The following MYT1L variants were observed in gnomAD, a reference collection of about 807,000 sequenced individuals.
MYT1L encodes myelin transcription factor 1 like.
Under a neutral mutation model 126.7 loss-of-function variants are expected in MYT1L, and 12 were observed. That is an observed-to-expected ratio of 0.09 (90% CI 0.06 to 0.15). MYT1L has a LOEUF of 0.15. MYT1L is among the 10% of genes least tolerant of loss of function. The pLI is 1.00. For synonymous variants in MYT1L, 541 were observed against 604.2 expected (o/e 0.90, Z 1.53); for missense variants, 979 against 1,585.2 (o/e 0.62, Z 6.49).
At chr2:2,317,955 G>C (rs2096095123) in intron 1 of MYT1L, among the ~76,000 whole-genome samples, 1 of 152,184 alleles carries the variant, frequency 6.6e-6, no homozygotes, top group Non-Finnish European at 1.5e-5. Flanking sequence ...ATGCTCCCCA[G>C]TCAAAGGAGG....
chr2:1,818,987 C>A (rs2038117035), intron 21 of MYT1L, among the ~76,000 whole-genome samples: 1 of 152,142 alleles, frequency 6.6e-6, no homozygotes. Context: ...TGTGACCACC[C>A]AGATGGCCCC....
chr2:2,080,748 G>A (rs1242016364), intron 3 of MYT1L, among the ~76,000 whole-genome samples: 1 of 152,208 alleles, frequency 6.6e-6, no homozygotes, highest in Admixed American at 6.5e-5. Flanking sequence ...ATACATTGCA[G>A]GTGGGAATAT....
At chr2:2,171,524 T>C (rs1313391500) in intron 3 of MYT1L, among the ~76,000 whole-genome samples, 1 of 152,240 alleles carries the variant, frequency 6.6e-6, no homozygotes, top group Non-Finnish European at 1.5e-5. Context: ...CTTGGATGTA[T>C]GAAACACCTA....
At position 2,247,671 on chromosome 2, in the gene MYT1L, C is replaced by T. The variant is rs143790440; in HGVS notation, c.-421+36733G>A. Among the ~76,000 whole-genome samples, 1,199 of 152,244 alleles carry T rather than the reference C, an allele frequency of 7.9e-3. 19 individuals are homozygous for T. Among genetic ancestry groups the T allele is most frequent in the African/African-American group, 0.028 (1,150 of 41,516 alleles). On this transcript the variant is annotated intron_variant, in intron 2 of 24. Coordinates refer to ENST00000647738, the MANE Select transcript of MYT1L (RefSeq NM_001303052.2). The stretch of plus-strand genomic sequence containing the variant: ...AACATTCAAAAAATTGAAATAATAT[C>T]AAGCATCTTCTCTGATCACAATGGA...
intron 2 of MYT1L, among the ~76,000 whole-genome samples, chr2:2,217,691 C>G (rs138493208): frequency 1.4e-5 from 1 of 70,528 alleles, no homozygotes; most frequent in Non-Finnish European, 2.8e-5. Flanking sequence ...ACAACAACAA[C>G]AACAACAACA....
At chr2:2,277,109 G>C (rs1047327494) in intron 2 of MYT1L, among the ~76,000 whole-genome samples, 1 of 151,996 alleles carries the variant, frequency 6.6e-6, no homozygotes, top group Non-Finnish European at 1.5e-5. Flanking sequence ...AGTCACTCAA[G>C]TAGCTGGGAC....
intron 13 of MYT1L, among the ~76,000 whole-genome samples, chr2:1,909,293 G>T (rs1029401912): frequency 6.6e-6 from 1 of 152,118 alleles, no homozygotes; most frequent in African/African-American, 2.4e-5. Context: ...ATATATGAAA[G>T]AAATGTGTAT....
chr2:2,164,792 A>G (rs1232197959), intron 3 of MYT1L, among the ~76,000 whole-genome samples: 2 of 152,240 alleles, frequency 1.3e-5, no homozygotes, highest in African/African-American at 4.8e-5. Flanking sequence ...GCTCAAAGAC[A>G]GAGCTTGCCT....
intron 8 of MYT1L, among the ~76,000 whole-genome samples, chr2:1,952,685 TCCTCCTTCCTTCCTTTCTTCCTTCCCTTC>T: frequency 7.2e-6 from 1 of 139,496 alleles, no homozygotes; most frequent in Admixed American, 7.3e-5. Flanking sequence ...TGCTCCTTTG[TCCTCCTTCCTTCCTTTCTTCCTTCCCTTC>T]CCTCCTTCCT....
intron 3 of MYT1L, among the ~76,000 whole-genome samples, chr2:2,095,778 C>T (rs939843996): frequency 6.6e-6 from 1 of 152,198 alleles, no homozygotes; most frequent in South Asian, 2.1e-4. Context: ...CTCATCGCCC[C>T]GGGCACCCCC....
intron 3 of MYT1L, among the ~76,000 whole-genome samples, chr2:2,107,297 C>T (rs2078868201): frequency 6.6e-6 from 1 of 152,232 alleles, no homozygotes; most frequent in Admixed American, 6.5e-5. Flanking sequence ...GGATGGCCCA[C>T]TTGCCAAACC....
rs562762142 is a variant in MYT1L, at chr2:2,228,556, A to C, written c.-420-55568T>G. Among the ~76,000 whole-genome samples, 12 of 152,328 alleles carry C rather than the reference A, an allele frequency of 7.9e-5. No homozygotes were observed. The South Asian group carries it at 2.3e-3, about 29-fold the overall frequency. Reference sequence around the variant, plus strand: ...TTTGCCAATCTTTTTGATTTTATAGAAAAAGTATTTATATAAATTCTTGAG... The same window carrying C: ...TTTGCCAATCTTTTTGATTTTATAGCAAAAGTATTTATATAAATTCTTGAG... On this transcript the variant is annotated intron_variant, in intron 2 of 24. Coordinates refer to ENST00000647738, the MANE Select transcript of MYT1L (RefSeq NM_001303052.2). The surrounding 1 kb of genome is among the most constrained non-coding windows in gnomAD (Gnocchi z 5.9).
At chr2:2,153,905 GA>G (rs2086266953) in intron 3 of MYT1L, among the ~76,000 whole-genome samples, 1 of 152,094 alleles carries the variant, frequency 6.6e-6, no homozygotes, top group African/African-American at 2.4e-5. Context: ...CAGCGTGTGA[GA>G]GGTACTGAGA....
In MYT1L at chr2:2,044,145, C is replaced by T. The variant is rs191239817; in HGVS notation, c.-158+9833G>A. On this transcript the variant is annotated intron_variant, in intron 4 of 24. Transcript: ENST00000647738. ...TACATGTTCTGTTAACCTGTCTTGG[C>T]TTACTCAGATACAGGTCCCTGTGCA... Among the ~76,000 whole-genome samples, 4 of 152,282 alleles carry T rather than the reference C, an allele frequency of 2.6e-5. No homozygotes were observed. In the East Asian group the frequency reaches 7.7e-4, roughly 29 times the overall value.
chr2:1,926,055 C>G (rs1047205000), intron 9 of MYT1L, among the ~76,000 whole-genome samples: 1 of 152,186 alleles, frequency 6.6e-6, no homozygotes, highest in Non-Finnish European at 1.5e-5. Flanking sequence ...AGCACAGAGC[C>G]TGCCGTGTGC....
intron 2 of MYT1L, among the ~76,000 whole-genome samples, chr2:2,183,951 G>A (rs2091832816): frequency 6.9e-6 from 1 of 145,154 alleles, no homozygotes; most frequent in Non-Finnish European, 1.5e-5. Flanking sequence ...AAGGAAGGAA[G>A]AAAGGGAGGG....
At chr2:2,231,477 G>A (rs2094159751) in intron 2 of MYT1L, among the ~76,000 whole-genome samples, 1 of 151,734 alleles carries the variant, frequency 6.6e-6, no homozygotes, top group South Asian at 2.1e-4. Flanking sequence ...TGGCTTTGTT[G>A]CCCAGGCTAG....
chr2:1,945,412 T>C (rs960952578), intron 8 of MYT1L, among the ~76,000 whole-genome samples: 1 of 151,702 alleles, frequency 6.6e-6, no homozygotes, highest in African/African-American at 2.4e-5. Flanking sequence ...ATGAGACAGA[T>C]GAGAGAGGCC....
At chr2:2,142,178 C>T (rs1475661045) in intron 3 of MYT1L, among the ~76,000 whole-genome samples, 9 of 152,104 alleles carry the variant, frequency 5.9e-5, no homozygotes, top group African/African-American at 9.7e-5. Flanking sequence ...TCAGGATGCA[C>T]GTGAATCCTT....
Sources: allele counts gnomAD v4.1 joint callset (sites outside exome capture counted in the v4.1 genomes callset), GRCh38; gene constraint gnomAD v4.1.1; non-coding constraint Gnocchi (gnomAD v3.1); transcripts MANE v1.5; gene names NCBI Gene and HGNC (gene_info 2026-07-23, HGNC 2026-07-21).